PDE10A: variants seen among roughly 807,000 people sequenced by gnomAD.
The protein encoded by PDE10A is cAMP and cAMP-inhibited cGMP 3',5'-cyclic phosphodiesterase 10A.
Under a neutral mutation model 97.7 loss-of-function variants are expected in PDE10A, and 39 were observed. The ratio of observed to expected loss-of-function variants is 0.40; its 90% CI spans 0.31 to 0.52. The LOEUF (loss-of-function observed/expected upper bound fraction) is 0.52, where lower values mean the gene tolerates loss of function less well. Among genes scored for constraint, PDE10A ranks in the 20% least tolerant of loss-of-function variants. The pLI, the probability that PDE10A is intolerant of heterozygous loss-of-function variation, is 0.56. For synonymous variants in PDE10A, 371 were observed against 376.8 expected (o/e 0.98, Z 0.18); for missense variants, 731 against 1,047.8 (o/e 0.70, Z 4.17).
At position 165,950,887 on chromosome 6, in the gene PDE10A, C is replaced by T. The variant is rs556276697; in HGVS notation, c.-615+36642G>A. On this transcript the variant is annotated intron_variant, in intron 1 of 19. Coordinates refer to the PDE10A transcript ENST00000366882. ...TAAAGTAATGTAAAACTGGGGTACA[C>T]GTTGGGAGATCTGATCTCTCATCCT... Among the ~76,000 whole-genome samples, 13 of 152,288 alleles carry T rather than the reference C, an allele frequency of 8.5e-5. No homozygotes were observed. The South Asian group carries it at 2.5e-3, about 29-fold the overall frequency.
chr6:165,971,487 A>G (rs1022986910), intron 1 of PDE10A, among the ~76,000 whole-genome samples: 6 of 152,162 alleles, frequency 3.9e-5, no homozygotes, highest in Admixed American at 3.9e-4. Context: ...CCCATCATCC[A>G]TTGCCACTTT....
At chr6:165,728,875 A>G (rs1028360534) in intron 1 of PDE10A, among the ~76,000 whole-genome samples, 5 of 152,190 alleles carry the variant, frequency 3.3e-5, no homozygotes, top group Non-Finnish European at 4.4e-5. Context: ...TTTACTGCCT[A>G]ATTTATATTA....
rs1167789232 is a variant in PDE10A at position 165,327,444 on chromosome 6, A to C, written c.*5581T>G. 1 of 152,258 alleles carries C rather than the reference A, an allele frequency of 6.6e-6. No homozygotes were observed. The highest frequency in any genetic ancestry group is 1.5e-5 in the Non-Finnish European group (1 of 68,040). 9.4% of individuals were successfully genotyped at this position (152,258 alleles called of 1,614,324 possible). ...TTCTTGCTGCTTTAACCATGTAAGT[A>C]AAACAAAGATTTTGCAATATAACAC... On this transcript the variant is annotated 3_prime_UTR_variant, in exon 22 of 22. Transcript: ENST00000539869.
intron 1 of PDE10A, among the ~76,000 whole-genome samples, chr6:165,825,513 G>C (rs770468556): frequency 6.6e-6 from 1 of 152,168 alleles, no homozygotes; most frequent in Admixed American, 6.5e-5. Context: ...TCCTAATGCT[G>C]AGTGTCCTCC....
intron 1 of PDE10A, among the ~76,000 whole-genome samples, chr6:165,701,270 C>A (rs974634362): frequency 6.6e-6 from 1 of 152,180 alleles, no homozygotes; most frequent in Non-Finnish European, 1.5e-5. Flanking sequence ...ATCTGACGGT[C>A]TTGGGTGGCT....
rs61474627 is a variant in PDE10A at position 165,489,689 on chromosome 6, C to CA, written c.995-7347dup. On this transcript the variant is annotated intron_variant, in intron 2 of 21. Transcript: ENST00000539869. The stretch of plus-strand genomic sequence containing the variant: ...AAGGTGAAATCCAACTTAAAGAAAT[C>CA]AAAAAAAATGACACAGGATATCAAT... 1.1e-3 allele frequency among the ~76,000 whole-genome samples: 170 copies of CA among 151,204 alleles called. 2 individuals carry two copies. Among genetic ancestry groups the CA allele is most frequent in the African/African-American group, 3.8e-3 (155 of 41,292 alleles).
intron 1 of PDE10A, among the ~76,000 whole-genome samples, chr6:165,606,483 T>G (rs528787268): frequency 2.4e-4 from 37 of 152,036 alleles, no homozygotes; most frequent in Non-Finnish European, 4.3e-4. Context: ...GATGGGAGCG[T>G]GGGAAAGTGA....
intron 3 of PDE10A, among the ~76,000 whole-genome samples, chr6:165,461,254 T>C (rs1057419665): frequency 9.8e-5 from 15 of 152,320 alleles, no homozygotes; most frequent in African/African-American, 3.6e-4. Context: ...AATTGGCCTT[T>C]AATAATTAGT....
At chr6:165,499,724 C>T (rs1780754894) in intron 2 of PDE10A, among the ~76,000 whole-genome samples, 2 of 152,054 alleles carry the variant, frequency 1.3e-5, no homozygotes, top group South Asian at 4.1e-4. Flanking sequence ...AAATAATGTT[C>T]CATTTTTGCT....
chr6:165,336,755 C>CA (rs776243789), intron 20 of PDE10A, among the ~76,000 whole-genome samples: 6,953 of 48,978 alleles, frequency 0.14, 517 homozygotes, highest in African/African-American at 0.17. Context: ...GACTCCGTCT[C>CA]AAAAAAAAAA....
At chr6:165,434,810 C>A (rs1789881168) in intron 6 of PDE10A, among the ~76,000 whole-genome samples, 1 of 152,176 alleles carries the variant, frequency 6.6e-6, no homozygotes, top group Admixed American at 6.5e-5. Flanking sequence ...TGACAGCAGT[C>A]CAGACCAGCA....
At chr6:165,870,639 G>T (rs545442068) in intron 1 of PDE10A, among the ~76,000 whole-genome samples, 3 of 152,238 alleles carry the variant, frequency 2.0e-5, no homozygotes, top group African/African-American at 7.2e-5. Context: ...GTATATCAAA[G>T]GGATACCTGC....
chr6:165,470,712 G>T (rs1325127105), intron 3 of PDE10A, among the ~76,000 whole-genome samples: 2 of 152,248 alleles, frequency 1.3e-5, no homozygotes, highest in South Asian at 2.1e-4. Flanking sequence ...TGAGTAAATG[G>T]TAATTAGTTG....
chr6:165,639,120 G>C (rs573536772), intron 1 of PDE10A, among the ~76,000 whole-genome samples: 1 of 152,130 alleles, frequency 6.6e-6, no homozygotes, highest in South Asian at 2.1e-4. Context: ...CGGCAGGAAG[G>C]AAGGAAGCTA....
chr6:165,454,070 T>C (rs1777794321), intron 3 of PDE10A, among the ~76,000 whole-genome samples: 1 of 152,244 alleles, frequency 6.6e-6, no homozygotes, highest in Non-Finnish European at 1.5e-5. Flanking sequence ...AAACTTAATG[T>C]TGTTTCCTCT....
chr6:165,565,030 T>C (rs538469339), intron 1 of PDE10A, among the ~76,000 whole-genome samples: 7 of 152,266 alleles, frequency 4.6e-5, no homozygotes, highest in Admixed American at 3.9e-4. Flanking sequence ...AAATAGGTAA[T>C]AGGCTGAAAG....
intron 1 of PDE10A, among the ~76,000 whole-genome samples, chr6:165,943,310 G>GAAAAAAA (rs1562810081): frequency 2.5e-4 from 14 of 55,676 alleles, no homozygotes; most frequent in Non-Finnish European, 3.6e-4. Flanking sequence ...AAAGAAAGAA[G>GAAAAAAA]GAAGGAAGGA....
At chr6:165,716,065 A>G (rs1171150484) in intron 1 of PDE10A, among the ~76,000 whole-genome samples, 1 of 152,208 alleles carries the variant, frequency 6.6e-6, no homozygotes, top group African/African-American at 2.4e-5. Flanking sequence ...TCTGAGAGAA[A>G]GACCGCCTCA....
chr6:165,539,744 A>C (rs2128320521), intron 2 of PDE10A, among the ~76,000 whole-genome samples: 1 of 150,588 alleles, frequency 6.6e-6, no homozygotes, highest in Middle Eastern at 3.4e-3. Context: ...GACACGTTGA[A>C]ACTCTGTCTC....
Sources: gnomAD v4.1 joint callset for allele counts (sites outside exome capture counted in the v4.1 genomes callset) on GRCh38, gnomAD v4.1.1 for gene constraint, MANE v1.5 for transcripts, NCBI Gene and HGNC (gene_info 2026-07-23, HGNC 2026-07-21) for gene names.